VRTN: variants seen among roughly 807,000 people sequenced by gnomAD.
The protein encoded by VRTN is vertnin.
In VRTN, 5 loss-of-function variants were observed where a neutral mutation model predicts 18.2. The ratio of observed to expected loss-of-function variants is 0.27; its 90% confidence interval spans 0.14 to 0.58. The LOEUF (loss-of-function observed/expected upper bound fraction) is 0.58. VRTN is among the 20% of genes least tolerant of loss of function. VRTN has a pLI of 0.91. For synonymous variants in VRTN, 381 were observed against 393.7 expected (o/e 0.97, Z 0.38); for missense variants, 741 against 939.4 (o/e 0.79, Z 2.76).
chr14:74,303,199 A>G (rs1057304660), intron 1 of VRTN: 7 of 377,888 alleles, frequency 1.9e-5, no homozygotes, highest in African/African-American at 1.0e-4. Flanking sequence ...GATTCTGTGT[A>G]TAATAGATGT....
upstream of VRTN, among the ~76,000 whole-genome samples, chr14:74,347,193 A>G (rs558639880): frequency 6.6e-6 from 1 of 152,316 alleles, no homozygotes; most frequent in South Asian, 2.1e-4. Flanking sequence ...GCTATACCCC[A>G]TTAACCACAA....
intron 1 of VRTN, among the ~76,000 whole-genome samples, chr14:74,331,163 C>T (rs1002826518): frequency 6.6e-6 from 1 of 150,512 alleles, no homozygotes; most frequent in Admixed American, 6.7e-5. Context: ...GATCGCGCCA[C>T]TGCACTCCAG....
At chr14:74,307,996 G>A (rs1269345366) in intron 1 of VRTN, among the ~76,000 whole-genome samples, 1 of 152,128 alleles carries the variant, frequency 6.6e-6, no homozygotes, top group Non-Finnish European at 1.5e-5. Flanking sequence ...CCAAAGTGCT[G>A]GGATTACAGG....
chr14:74,333,845 AAAAT>A (rs1250708252), intron 1 of VRTN, among the ~76,000 whole-genome samples: 1 of 146,942 alleles, frequency 6.8e-6, no homozygotes, highest in East Asian at 2.0e-4. Flanking sequence ...GTCTCAAAAA[AAAAT>A]AAATAAAAAT....
intron 1 of VRTN, among the ~76,000 whole-genome samples, chr14:74,326,425 C>G (rs1002901926): frequency 3.3e-5 from 5 of 152,098 alleles, no homozygotes; most frequent in African/African-American, 1.2e-4. Context: ...ACATTCTAAG[C>G]AGGCTGGGGT....
At chr14:74,336,773 C>CA (rs1197573687) in intron 1 of VRTN, among the ~76,000 whole-genome samples, 3 of 150,992 alleles carry the variant, frequency 2.0e-5, no homozygotes, top group South Asian at 2.1e-4. Context: ...AACTCCATCT[C>CA]AAAAAAAAAG....
intron 1 of VRTN, among the ~76,000 whole-genome samples, chr14:74,321,602 T>C (rs561017079): frequency 1.7e-4 from 25 of 147,328 alleles, no homozygotes; most frequent in Non-Finnish European, 3.3e-4. Context: ...ACCTCCTGGG[T>C]TCAAGCGATT....
chr14:74,334,899 C>A (rs1307481633), intron 1 of VRTN, among the ~76,000 whole-genome samples: 1 of 152,142 alleles, frequency 6.6e-6, no homozygotes, highest in Non-Finnish European at 1.5e-5. Context: ...GTCTTCACAT[C>A]ACCATTGAGT....
chr14:74,308,375 A>T (rs1869632253), intron 1 of VRTN, among the ~76,000 whole-genome samples: 1 of 152,146 alleles, frequency 6.6e-6, no homozygotes, highest in Non-Finnish European at 1.5e-5. Flanking sequence ...CTATTATCTC[A>T]TTTTCATGTC....
chr14:74,341,875 A>G (rs2085607347), intron 2 of VRTN, among the ~76,000 whole-genome samples: 1 of 152,152 alleles, frequency 6.6e-6, no homozygotes, highest in South Asian at 2.1e-4. Flanking sequence ...TGAAATCTGA[A>G]TTTTGTTCAA....
chr14:74,348,959 C>G (rs1271247988), intron 1 of VRTN, among the ~76,000 whole-genome samples: 1 of 151,716 alleles, frequency 6.6e-6, no homozygotes, highest in Non-Finnish European at 1.5e-5. Context: ...CCCAGGTTCC[C>G]CGGGCTTCTC....
intron 1 of VRTN, among the ~76,000 whole-genome samples, chr14:74,327,745 C>T (rs2085496935): frequency 6.6e-6 from 1 of 151,974 alleles, no homozygotes; most frequent in African/African-American, 2.4e-5. Context: ...GAGATGGAGT[C>T]TCACTTCGTT....
chr14:74,314,900 G>A (rs144945167), intron 1 of VRTN, among the ~76,000 whole-genome samples: 2 of 152,240 alleles, frequency 1.3e-5, no homozygotes, highest in South Asian at 2.1e-4. Context: ...CTGAAATGAA[G>A]GTCTTATGGT....
intron 1 of VRTN, among the ~76,000 whole-genome samples, chr14:74,332,043 G>C (rs761616830): frequency 3.9e-5 from 6 of 152,006 alleles, no homozygotes; most frequent in Non-Finnish European, 5.9e-5. Context: ...TTAAAAGACT[G>C]TGCCCATATG....
At chr14:74,329,036 C>T (rs1265985345) in intron 1 of VRTN, among the ~76,000 whole-genome samples, 5 of 150,844 alleles carry the variant, frequency 3.3e-5, no homozygotes, top group Non-Finnish European at 5.9e-5. Flanking sequence ...TTTGGGAGGC[C>T]GAGGAGGGCG....
At chr14:74,322,487 G>A (rs992133504) in intron 1 of VRTN, among the ~76,000 whole-genome samples, 50 of 152,214 alleles carry the variant, frequency 3.3e-4, no homozygotes, top group African/African-American at 1.1e-3. Flanking sequence ...TGTAACCACT[G>A]TCTAAAATTT....
intron 1 of VRTN, chr14:74,305,940 T>A (rs988337892): frequency 6.6e-6 from 1 of 151,844 alleles, no homozygotes; most frequent in African/African-American, 2.4e-5. Flanking sequence ...CGGGCCAGTG[T>A]TTGGGATTTT....
In VRTN at chr14:74,357,153, A is replaced by T. The variant is rs2085734108; in HGVS notation, c.370A>T (p.Ile124Phe). Residue 124 changes from isoleucine (I) to phenylalanine (F), a missense_variant, in exon 2 of 2, where the codon ATC becomes TTC. Around this residue, in one of 3 missense-constraint regions of VRTN, gnomAD observed 186 missense variants for 288.3 expected, o/e 0.65. Coordinates refer to ENST00000256362, the MANE Select transcript of VRTN (RefSeq NM_018228.3). The surrounding 1 kb of genome is among the most constrained non-coding windows in gnomAD (Gnocchi z 7.8). ...LHRHYYLQGM[I>F]DSKVMLQAVR... Reference sequence around the variant, plus strand: ...CAGACACTACTACCTCCAGGGCATGATCGACTCCAAAGTGATGCTGCAGGC... The same window carrying T: ...CAGACACTACTACCTCCAGGGCATGTTCGACTCCAAAGTGATGCTGCAGGC... 1 of 1,597,972 alleles carries T rather than the reference A, an allele frequency of 6.3e-7. No individual in the cohort carries two copies. Among genetic ancestry groups the T allele is most frequent in the Non-Finnish European group, 8.5e-7 (1 of 1,172,864 alleles).
upstream of VRTN, among the ~76,000 whole-genome samples, chr14:74,347,508 A>C (rs1441691777): frequency 2.6e-5 from 4 of 152,222 alleles, no homozygotes; most frequent in Non-Finnish European, 5.9e-5. Flanking sequence ...TAATGGATGC[A>C]TGGGGGCATT....
Sources: gnomAD v4.1 joint callset for allele counts (sites outside exome capture counted in the v4.1 genomes callset) on GRCh38, gnomAD v4.1.1 for gene constraint, gnomAD v4.1.1 regional missense constraint, Gnocchi (gnomAD v3.1) non-coding constraint, MANE v1.5 for transcripts, NCBI Gene and HGNC (gene_info 2026-07-23, HGNC 2026-07-21) for gene names.